Variants in SLC39A11 observed in about 807,000 individuals in gnomAD.
SLC39A11 encodes the protein solute carrier family 39 member 11, also known as zinc transporter ZIP11.
SLC39A11 carries 33 observed loss-of-function variants against 36.1 expected under a neutral mutation model. The observed-to-expected ratio is 0.91, with a 90% CI of 0.69 to 1.22. SLC39A11 has a LOEUF of 1.22. Among genes scored for constraint, SLC39A11 ranks in the 50% most tolerant of loss-of-function variants. The pLI, the probability that SLC39A11 is intolerant of heterozygous loss-of-function variation, is 0.00. For missense variants in SLC39A11, 432 were observed against 430.3 expected (o/e 1.00, Z -0.03); for synonymous variants, 166 against 170.3 (o/e 0.97, Z 0.20).
intron 7 of SLC39A11, among the ~76,000 whole-genome samples, chr17:72,670,493 T>G (rs2070978607): frequency 6.6e-6 from 1 of 152,214 alleles, no homozygotes; most frequent in Non-Finnish European, 1.5e-5. Context: ...GGCTTTCCAT[T>G]TCCTCCCTTC....
intron 5 of SLC39A11, among the ~76,000 whole-genome samples, chr17:72,924,861 G>C (rs2083939134): frequency 1.3e-5 from 2 of 152,050 alleles, no homozygotes; most frequent in East Asian, 1.9e-4. Context: ...AATTAGCCAG[G>C]CATGGTGGCG....
At chr17:72,813,615 C>T (rs998537349) in intron 6 of SLC39A11, among the ~76,000 whole-genome samples, 1 of 152,208 alleles carries the variant, frequency 6.6e-6, no homozygotes, top group African/African-American at 2.4e-5. Context: ...AGCATCCAAT[C>T]TACCAAGTGT....
intron 3 of SLC39A11, among the ~76,000 whole-genome samples, chr17:73,055,732 G>GAA (rs2059644011): frequency 6.6e-6 from 1 of 152,070 alleles, no homozygotes; most frequent in African/African-American, 2.4e-5. Context: ...CTCAACCTCT[G>GAA]AAAGTGCTGG....
intron 5 of SLC39A11, among the ~76,000 whole-genome samples, chr17:72,871,379 A>G (rs572263050): frequency 6.6e-6 from 1 of 152,180 alleles, no homozygotes; most frequent in South Asian, 2.1e-4. Flanking sequence ...AGCCCCTTTC[A>G]ATCACACCTA....
In SLC39A11 at chr17:72,801,765, T is replaced by C. The variant is rs750734502; in HGVS notation, c.601+47869A>G. Reference sequence around the variant, plus strand: ...TTTTAGGGTGATAAAAGTTCTATAATTGGATTATGGAAATATCTGCACAAC... The same window carrying C: ...TTTTAGGGTGATAAAAGTTCTATAACTGGATTATGGAAATATCTGCACAAC... On this transcript the variant is annotated intron_variant, in intron 6 of 9. Coordinates refer to ENST00000255559, the MANE Select transcript of SLC39A11 (RefSeq NM_139177.4). Among the ~76,000 whole-genome samples the C allele has an allele frequency of 2.6e-5, 4 of 152,156 alleles. No homozygotes were observed. In the South Asian group the frequency reaches 6.2e-4, roughly 24 times the overall value.
intron 6 of SLC39A11, among the ~76,000 whole-genome samples, chr17:72,764,809 G>A (rs887391457): frequency 6.6e-6 from 1 of 152,180 alleles, no homozygotes; most frequent in Non-Finnish European, 1.5e-5. Context: ...CTGGTGGGGA[G>A]TTCAGGCACG....
rs537354122 is a variant in SLC39A11, at chr17:72,831,082, T to A, written c.601+18552A>T. Reference sequence around the variant, plus strand: ...ATGAGGGAAAATGCCTGTATTGCTATGTTGACATTTAAGAAGACTGTTTGC... The same window carrying A: ...ATGAGGGAAAATGCCTGTATTGCTAAGTTGACATTTAAGAAGACTGTTTGC... On this transcript the variant is annotated intron_variant, in intron 6 of 9. Coordinates refer to ENST00000255559, the MANE Select transcript of SLC39A11 (RefSeq NM_139177.4). Among the ~76,000 whole-genome samples, 34 of 152,278 alleles carry A rather than the reference T, an allele frequency of 2.2e-4. No homozygotes were observed. In the South Asian group the frequency reaches 6.0e-3, roughly 27 times the overall value.
chr17:72,970,114 AC>A (rs2087329150), intron 4 of SLC39A11, among the ~76,000 whole-genome samples: 1 of 152,226 alleles, frequency 6.6e-6, no homozygotes, highest in Non-Finnish European at 1.5e-5. Flanking sequence ...TCATCTTTCA[AC>A]CGTTAAAAGG....
rs2069706394 is a variant in SLC39A11 at position 72,648,822 on chromosome 17, T to A, written c.910A>T (p.Ile304Phe). The change falls in exon 9 of 10, where the codon ATC becomes TTC. Residue 304 changes from isoleucine to phenylalanine, a missense_variant. By Grantham distance (21) the Ile-to-Phe change is conservative (BLOSUM62 0). Coordinates refer to ENST00000255559, the MANE Select transcript of SLC39A11 (RefSeq NM_139177.4). ...TCCAACCTGATCTGGGCTTCGGGGA[T>A]GATGTCGTCCATGACCACGTAGACC... is the stretch of plus-strand genomic sequence containing the variant. The part of the protein sequence containing the change: ...AMVYVVMDDI[I>F]PEAQISGNGK... 6.2e-7 allele frequency: 1 copy of A among 1,613,970 alleles called. No individual in the cohort carries two copies. Among genetic ancestry groups the A allele is most frequent in the Non-Finnish European group, 8.5e-7 (1 of 1,180,022 alleles).
At chr17:72,932,245 C>T (rs1251386650) in intron 5 of SLC39A11, among the ~76,000 whole-genome samples, 1 of 150,698 alleles carries the variant, frequency 6.6e-6, no homozygotes, top group Non-Finnish European at 1.5e-5. Context: ...AATCCAGTTT[C>T]TTTAGGGATT....
intron 3 of SLC39A11, among the ~76,000 whole-genome samples, chr17:73,067,158 G>T (rs1404270869): frequency 6.6e-6 from 1 of 152,198 alleles, no homozygotes; most frequent in African/African-American, 2.4e-5. Flanking sequence ...TCCAGTTTCC[G>T]TCTGCCCTCT....
chr17:72,658,784 G>A (rs961421300), intron 7 of SLC39A11, among the ~76,000 whole-genome samples: 1 of 152,024 alleles, frequency 6.6e-6, no homozygotes, highest in African/African-American at 2.4e-5. Context: ...ACTGAAAAAT[G>A]GGCATAAAAC....
intron 4 of SLC39A11, among the ~76,000 whole-genome samples, chr17:72,983,271 T>C (rs12451463): frequency 0.52 from 78,862 of 151,906 alleles, 21,416 homozygotes; most frequent in Middle Eastern, 0.7. Flanking sequence ...TGTCTCAGCC[T>C]CCTGAGGAGC....
chr17:72,943,877 C>CAG (rs2085267899), intron 5 of SLC39A11, among the ~76,000 whole-genome samples: 1 of 152,200 alleles, frequency 6.6e-6, no homozygotes, highest in African/African-American at 2.4e-5. Context: ...CATGGACCCT[C>CAG]AGGTCATGTA....
chr17:72,793,183 G>A (rs910987382), intron 6 of SLC39A11, among the ~76,000 whole-genome samples: 7 of 152,138 alleles, frequency 4.6e-5, no homozygotes, highest in African/African-American at 1.7e-4. Flanking sequence ...GCTAGAATGA[G>A]GATGGGCTTA....
At chr17:72,993,753 C>T (rs1375246305) in intron 4 of SLC39A11, among the ~76,000 whole-genome samples, 1 of 152,180 alleles carries the variant, frequency 6.6e-6, no homozygotes, top group Non-Finnish European at 1.5e-5. Flanking sequence ...AGGTCAAAAT[C>T]CTTTCTCTTC....
At chr17:72,810,093 A>G (rs1176862448) in intron 6 of SLC39A11, among the ~76,000 whole-genome samples, 3 of 151,738 alleles carry the variant, frequency 2.0e-5, no homozygotes, top group Non-Finnish European at 4.4e-5. Flanking sequence ...ACAAAAAAAA[A>G]AAAAAAGAAA....
At chr17:72,877,451 A>T (rs1284743983) in intron 5 of SLC39A11, among the ~76,000 whole-genome samples, 2 of 152,218 alleles carry the variant, frequency 1.3e-5, no homozygotes, top group African/African-American at 4.8e-5. Flanking sequence ...CATTCTGGCC[A>T]GTGCCACGTT....
intron 5 of SLC39A11, among the ~76,000 whole-genome samples, chr17:72,879,436 T>C (rs547886468): frequency 2.0e-5 from 3 of 152,372 alleles, no homozygotes; most frequent in East Asian, 3.9e-4. Context: ...AACTGTATGC[T>C]AGAATGCCGG....
Sources: allele counts gnomAD v4.1 joint callset (sites outside exome capture counted in the v4.1 genomes callset), GRCh38; gene constraint gnomAD v4.1.1; transcripts MANE v1.5; gene names NCBI Gene and HGNC (gene_info 2026-07-23, HGNC 2026-07-21).